The following FAM110B variants were observed in gnomAD, a reference collection of about 807,000 sequenced individuals.
FAM110B encodes protein FAM110B.
In FAM110B, 6 loss-of-function variants were observed where a neutral mutation model predicts 20.4. The observed-to-expected ratio is 0.29, with a 90% CI of 0.16 to 0.58. The LOEUF (loss-of-function observed/expected upper bound fraction) is 0.58. FAM110B is among the 20% of genes least tolerant of loss of function. The pLI, the probability that FAM110B is intolerant of heterozygous loss-of-function variation, is 0.90. For synonymous variants in FAM110B, 226 were observed against 214.1 expected, an observed-to-expected ratio of 1.06 and a Z score of -0.49; for missense variants, 434 against 498.2, an observed-to-expected ratio of 0.87 and a Z score of 1.23.
intron 1 of FAM110B, among the ~76,000 whole-genome samples, chr8:58,007,334 G>A (rs549252802): frequency 3.4e-4 from 52 of 152,288 alleles, no homozygotes; most frequent in African/African-American, 1.2e-3. Context: ...CATGCACTTT[G>A]TGTATCGGAT....
chr8:58,095,169 T>C (rs1418964218), intron 3 of FAM110B, among the ~76,000 whole-genome samples: 2 of 152,200 alleles, frequency 1.3e-5, no homozygotes, highest in Non-Finnish European at 1.5e-5. Context: ...GTCTATCTAT[T>C]TTGTTGATCT....
intron 1 of FAM110B, among the ~76,000 whole-genome samples, chr8:58,007,917 ATTTTC>A (rs1005114300): frequency 6.6e-6 from 1 of 152,110 alleles, no homozygotes; most frequent in Non-Finnish European, 1.5e-5. Context: ...AGAAGGTGTT[ATTTTC>A]TTCTTTACAT....
rs200514631 is a variant in FAM110B, at chr8:58,107,337, TTTG to T, written c.-325+31728_-325+31730del. ...AAATATTTTTGCAACATTAAAGTTTTTTGTTGTTGTTGTTGTCCTTTTCATTTT... is the reference window on the plus strand; with the variant it reads ...AAATATTTTTGCAACATTAAAGTTTTTTGTTGTTGTTGTCCTTTTCATTTT... On this transcript the variant is annotated intron_variant, in intron 3 of 3. Transcript: ENST00000519262. 5.1e-3 allele frequency among the ~76,000 whole-genome samples: 778 copies of T among 152,296 alleles called. 9 individuals carry two copies. Among genetic ancestry groups the T allele is most frequent in the African/African-American group, 0.017 (696 of 41,568 alleles).
At chr8:58,110,524 A>C (rs1807034084) in intron 3 of FAM110B, among the ~76,000 whole-genome samples, 1 of 152,202 alleles carries the variant, frequency 6.6e-6, no homozygotes, top group Non-Finnish European at 1.5e-5. Context: ...AGTGAAATCT[A>C]ATTAAGTTTT....
chr8:58,118,058 T>G (rs1807260958), intron 3 of FAM110B, among the ~76,000 whole-genome samples: 1 of 152,224 alleles, frequency 6.6e-6, no homozygotes, highest in African/African-American at 2.4e-5. Context: ...AGATAAATCC[T>G]GTGTTCACAA....
intron 2 of FAM110B, among the ~76,000 whole-genome samples, chr8:58,064,149 G>A (rs1273036429): frequency 6.6e-6 from 1 of 152,094 alleles, no homozygotes; most frequent in Non-Finnish European, 1.5e-5. Context: ...CCATTCATGC[G>A]AACTCCACCC....
chr8:58,017,221 G>A (rs1336993476), intron 1 of FAM110B, among the ~76,000 whole-genome samples: 1 of 152,180 alleles, frequency 6.6e-6, no homozygotes, highest in Non-Finnish European at 1.5e-5. Flanking sequence ...AAGGCTTAAG[G>A]CATTATGCCG....
intron 3 of FAM110B, among the ~76,000 whole-genome samples, chr8:58,127,712 C>T (rs1393584150): frequency 1.3e-5 from 2 of 151,478 alleles, no homozygotes; most frequent in African/African-American, 4.8e-5. Flanking sequence ...TACATTGGCT[C>T]AAAAAAAATG....
At chr8:58,135,827 G>A (rs1310299743) in intron 3 of FAM110B, among the ~76,000 whole-genome samples, 1 of 152,044 alleles carries the variant, frequency 6.6e-6, no homozygotes, top group East Asian at 1.9e-4. Flanking sequence ...CTTTTAAGGA[G>A]GCTCGCTGAG....
At chr8:58,082,898 A>G (rs1176718117) in intron 3 of FAM110B, among the ~76,000 whole-genome samples, 1 of 146,572 alleles carries the variant, frequency 6.8e-6, no homozygotes, top group Non-Finnish European at 1.5e-5. Context: ...GGTCCCAGCT[A>G]CTTGGGAGCC....
chr8:58,071,911 G>T (rs941640982), intron 2 of FAM110B, among the ~76,000 whole-genome samples: 1 of 152,172 alleles, frequency 6.6e-6, no homozygotes, highest in African/African-American at 2.4e-5. Flanking sequence ...AACCACGCCT[G>T]TTCCCATTGC....
intron 2 of FAM110B, among the ~76,000 whole-genome samples, chr8:58,070,747 G>A (rs1174121993): frequency 1.3e-5 from 2 of 152,176 alleles, no homozygotes; most frequent in Non-Finnish European, 2.9e-5. Context: ...CCTGAATAAT[G>A]AGCGATCAGG....
chr8:58,017,418 A>G (rs1282962003), intron 1 of FAM110B, among the ~76,000 whole-genome samples: 3 of 152,168 alleles, frequency 2.0e-5, no homozygotes, highest in African/African-American at 7.2e-5. Context: ...CACATATTTT[A>G]TATAAAGATT....
chr8:58,066,635 C>T (rs1033563499), intron 2 of FAM110B, among the ~76,000 whole-genome samples: 1 of 152,162 alleles, frequency 6.6e-6, no homozygotes, highest in Non-Finnish European at 1.5e-5. Context: ...TTGTCTTGCC[C>T]CTGGTAGCCA....
chr8:58,087,303 T>A (rs1806361424), intron 3 of FAM110B, among the ~76,000 whole-genome samples: 1 of 152,226 alleles, frequency 6.6e-6, no homozygotes. Flanking sequence ...CACCTATCTG[T>A]CTGTGACTTA....
In FAM110B at chr8:58,146,246, C is replaced by T. The variant is rs762898612; in HGVS notation, c.16C>T (p.Leu6=). The T allele has an allele frequency of 1.2e-5, 19 of 1,607,240 alleles. No homozygotes were observed. Among genetic ancestry groups the T allele is most frequent in the Admixed American group, 3.3e-5 (2 of 59,740 alleles). Residue 6 remains leucine, a synonymous_variant, in exon 4 of 4, where the codon CTA becomes TTA. Transcript: ENST00000519262. MPTET[L]QTGSMVKPVS... is the part of the protein sequence containing the mutation. ...ACCGCCCACCATGCCCACGGAGACC[C>T]TACAGACAGGTAGCATGGTGAAGCC...
At chr8:58,071,975 T>C (rs1313347323) in intron 2 of FAM110B, among the ~76,000 whole-genome samples, 1 of 152,162 alleles carries the variant, frequency 6.6e-6, no homozygotes, top group East Asian at 1.9e-4. Context: ...GTGGTTTTGC[T>C]CTTTCCAGAA....
At chr8:58,144,189 T>C (rs1462911078) in intron 3 of FAM110B, among the ~76,000 whole-genome samples, 2 of 152,130 alleles carry the variant, frequency 1.3e-5, no homozygotes, top group African/African-American at 4.8e-5. Context: ...AACTTTCTGG[T>C]ATTGTCCTGG....
chr8:58,034,658 AG>A (rs1433469436), intron 2 of FAM110B, among the ~76,000 whole-genome samples: 1 of 152,182 alleles, frequency 6.6e-6, no homozygotes, highest in Non-Finnish European at 1.5e-5. Flanking sequence ...TAGGAATGTG[AG>A]TTGCTACATG....
Sources: allele counts gnomAD v4.1 joint callset (sites outside exome capture counted in the v4.1 genomes callset), GRCh38; gene constraint gnomAD v4.1.1; transcripts MANE v1.5; gene names NCBI Gene and HGNC (gene_info 2026-07-23, HGNC 2026-07-21).